The following RBFOX1 variants were observed in gnomAD, a reference collection of about 807,000 sequenced individuals.
RBFOX1 encodes the protein RNA binding protein fox-1 homolog 1.
A neutral mutation model predicts 57.7 loss-of-function variants in RBFOX1; 8 were observed. The ratio of observed to expected loss-of-function variants is 0.14; its 90% CI spans 0.08 to 0.25. The LOEUF (loss-of-function observed/expected upper bound fraction) is 0.25, where lower values mean the gene tolerates loss of function less well. Among genes scored for constraint, RBFOX1 ranks in the 10% least tolerant of loss-of-function variants. RBFOX1 has a pLI of 1.00. For synonymous variants in RBFOX1, 326 were observed against 222.4 expected, an observed-to-expected ratio of 1.47 and a Z score of -4.15; for missense variants, 611 against 548.5, an observed-to-expected ratio of 1.11 and a Z score of -1.14.
intron 3 of RBFOX1, among the ~76,000 whole-genome samples, chr16:5,698,131 T>C (rs936673948): frequency 2.6e-5 from 4 of 152,192 alleles, no homozygotes; most frequent in Non-Finnish European, 5.9e-5. Flanking sequence ...ATGAATCCCA[T>C]TGGAAACTGC....
At chr16:7,204,350 A>T (rs531794780) in intron 4 of RBFOX1, among the ~76,000 whole-genome samples, 34 of 152,312 alleles carry the variant, frequency 2.2e-4, no homozygotes, top group African/African-American at 8.2e-4. Flanking sequence ...TCCCATATTT[A>T]TAAGTTCCTG....
intron 3 of RBFOX1, among the ~76,000 whole-genome samples, chr16:5,758,267 G>A (rs557356803): frequency 3.3e-5 from 5 of 152,242 alleles, no homozygotes; most frequent in East Asian, 1.9e-4. Flanking sequence ...AGTTGAAGGC[G>A]GTATTGTGGT....
intron 1 of RBFOX1, among the ~76,000 whole-genome samples, chr16:5,319,799 C>A (rs1000203597): frequency 1.3e-5 from 2 of 151,640 alleles, no homozygotes; most frequent in African/African-American, 4.8e-5. Flanking sequence ...TGGCTTTCCA[C>A]ACAGTCATTC....
intron 3 of RBFOX1, among the ~76,000 whole-genome samples, chr16:5,820,562 C>G (rs1597378178): frequency 1.3e-5 from 2 of 152,176 alleles, no homozygotes; most frequent in Admixed American, 1.3e-4. Context: ...ATTTCTTCCC[C>G]CACCTGCTTT....
At chr16:6,677,200 T>G (rs1021073291) in intron 3 of RBFOX1, among the ~76,000 whole-genome samples, 1 of 152,136 alleles carries the variant, frequency 6.6e-6, no homozygotes, top group South Asian at 2.1e-4. Context: ...AATGAGTAAG[T>G]GGCAGGACTA....
At chr16:6,506,053 A>T (rs2159549) in intron 2 of RBFOX1, among the ~76,000 whole-genome samples, 1 of 152,182 alleles carries the variant, frequency 6.6e-6, no homozygotes, top group Non-Finnish European at 1.5e-5. Flanking sequence ...TCCTGATTCT[A>T]GCAAAGCAGT....
chr16:7,691,913 TGTAA>T (rs1410542874), intron 14 of RBFOX1, among the ~76,000 whole-genome samples: 3 of 152,200 alleles, frequency 2.0e-5, no homozygotes, highest in East Asian at 1.9e-4. Context: ...AGGAGCATTC[TGTAA>T]ATAGAGGTTA....
chr16:6,502,051 G>T (rs992050572), intron 2 of RBFOX1, among the ~76,000 whole-genome samples: 2 of 152,152 alleles, frequency 1.3e-5, no homozygotes, highest in Admixed American at 1.3e-4. Flanking sequence ...TATAACCCTG[G>T]TTTCCTAGTT....
chr16:7,197,024 G>A (rs1357285017), intron 4 of RBFOX1, among the ~76,000 whole-genome samples: 3 of 152,094 alleles, frequency 2.0e-5, no homozygotes, highest in Non-Finnish European at 2.9e-5. Context: ...CATTTCGAAG[G>A]TGCACACCAT....
intron 4 of RBFOX1, among the ~76,000 whole-genome samples, chr16:5,919,576 C>T (rs970810629): frequency 3.3e-5 from 5 of 152,154 alleles, no homozygotes; most frequent in Admixed American, 2.6e-4. Context: ...ACTCCCGACC[C>T]GAGGTGATCC....
chr16:6,758,922 G>T (rs1384208130), intron 3 of RBFOX1, among the ~76,000 whole-genome samples: 1 of 151,994 alleles, frequency 6.6e-6, no homozygotes, highest in Non-Finnish European at 1.5e-5. Flanking sequence ...GAGTCGGGGG[G>T]GAAAGAGTTT....
intron 5 of RBFOX1, among the ~76,000 whole-genome samples, chr16:7,524,877 C>G (rs537623651): frequency 9.9e-5 from 15 of 152,180 alleles, no homozygotes; most frequent in Non-Finnish European, 2.1e-4. Flanking sequence ...ATAGGAAAAA[C>G]TTGTTCAGGG....
At chr16:6,004,880 G>A (rs2060666080) in intron 4 of RBFOX1, among the ~76,000 whole-genome samples, 1 of 152,192 alleles carries the variant, frequency 6.6e-6, no homozygotes, top group African/African-American at 2.4e-5. Context: ...TGCTGGTGAT[G>A]TGTGCATTTC....
chr16:6,321,014 G>A (rs1037770342), intron 2 of RBFOX1, among the ~76,000 whole-genome samples: 6 of 152,102 alleles, frequency 3.9e-5, no homozygotes, highest in Admixed American at 6.5e-5. Context: ...GGCTAGTCTC[G>A]AACTCCTGAC....
chr16:7,627,941 A>G (rs1010973749), intron 10 of RBFOX1, among the ~76,000 whole-genome samples: 7 of 152,040 alleles, frequency 4.6e-5, no homozygotes, highest in Non-Finnish European at 8.8e-5. Context: ...CTACGAAGAA[A>G]GTATCCAAAG....
At chr16:7,073,675 C>G (rs1434479158) in intron 4 of RBFOX1, among the ~76,000 whole-genome samples, 1 of 151,862 alleles carries the variant, frequency 6.6e-6, no homozygotes, top group African/African-American at 2.4e-5. Context: ...AAAACCCCTT[C>G]TCTACAAAAT....
At chr16:7,395,371 C>A (rs1408665707) in intron 4 of RBFOX1, among the ~76,000 whole-genome samples, 1 of 152,144 alleles carries the variant, frequency 6.6e-6, no homozygotes, top group East Asian at 1.9e-4. Context: ...CTACTAATTC[C>A]CCTTTTAGTG....
chr16:7,482,933 A>G (rs1189545726), intron 4 of RBFOX1, among the ~76,000 whole-genome samples: 1 of 152,124 alleles, frequency 6.6e-6, no homozygotes, highest in East Asian at 1.9e-4. Context: ...TTTTGACTTT[A>G]TCCTGGGTTG....
intron 4 of RBFOX1, among the ~76,000 whole-genome samples, chr16:7,251,340 C>A (rs565061431): frequency 1.3e-5 from 2 of 150,860 alleles, no homozygotes; most frequent in African/African-American, 2.5e-5. Flanking sequence ...TTGCAGTTGA[C>A]AAGAATTTAT....
Sources: gnomAD v4.1 joint callset for allele counts (sites outside exome capture counted in the v4.1 genomes callset) on GRCh38, gnomAD v4.1.1 for gene constraint, MANE v1.5 for transcripts, NCBI Gene and HGNC (gene_info 2026-07-23, HGNC 2026-07-21) for gene names.